Variants in TAF4 observed in about 807,000 individuals in gnomAD.
TAF4 encodes TATA-box binding protein associated factor 4.
Under a neutral mutation model 90.3 loss-of-function variants are expected in TAF4, and 9 were observed. The ratio of observed to expected loss-of-function variants is 0.10; its 90% CI spans 0.06 to 0.17. The LOEUF is 0.17. Among genes scored for constraint, TAF4 ranks in the 10% least tolerant of loss-of-function variants. The pLI, the probability that TAF4 is intolerant of heterozygous loss-of-function variation, is 1.00. For missense variants in TAF4, 1,351 were observed against 1,370.7 expected (o/e 0.99, Z 0.23); for synonymous variants, 818 against 638.9 (o/e 1.28, Z -4.23).
In TAF4 at chr20:62,055,639, C is replaced by T. The variant is rs138715860; in HGVS notation, c.1360+8812G>A. Among the ~76,000 whole-genome samples, 1,089 of 152,304 alleles carry T rather than the reference C, an allele frequency of 7.2e-3. 15 individuals carry two copies. Among genetic ancestry groups the T allele is most frequent in the African/African-American group, 0.025 (1,030 of 41,550 alleles). On this transcript the variant is annotated intron_variant, in intron 1 of 14. Coordinates refer to ENST00000252996, the MANE Select transcript of TAF4 (RefSeq NM_003185.4). ...TCAGAGGGCAGCCCTACAATCTACA[C>T]GGGGGACCCCTGCATCTACTCTTTC...
intron 1 of TAF4, among the ~76,000 whole-genome samples, chr20:62,031,870 G>C (rs2055906345): frequency 6.6e-6 from 1 of 152,096 alleles, no homozygotes; most frequent in South Asian, 2.1e-4. Flanking sequence ...AGGCCCCGTG[G>C]AACAGCCCGG....
intron 1 of TAF4, among the ~76,000 whole-genome samples, chr20:62,054,795 A>G (rs999893704): frequency 5.9e-5 from 9 of 151,946 alleles, no homozygotes; most frequent in African/African-American, 2.2e-4. Flanking sequence ...ACAGGCTCAT[A>G]ACACCGTCAT....
chr20:62,052,532 T>C (rs1263024952), intron 1 of TAF4, among the ~76,000 whole-genome samples: 2 of 151,168 alleles, frequency 1.3e-5, no homozygotes, highest in African/African-American at 4.9e-5. Flanking sequence ...CCAGCCCGTG[T>C]GTGCCCTGTG....
intron 1 of TAF4, among the ~76,000 whole-genome samples, chr20:62,046,677 G>A (rs1195894524): frequency 2.6e-5 from 4 of 152,238 alleles, no homozygotes; most frequent in African/African-American, 7.2e-5. Flanking sequence ...AACTTTTTAC[G>A]CTTCTCCTAA....
Position 62,053,392 on chromosome 20 carries a change from C to T in TAF4, c.1360+11059G>A, listed in dbSNP as rs186370634. Among the ~76,000 whole-genome samples the T allele has an allele frequency of 3.2e-3, 487 of 152,348 alleles. 1 individual carries two copies. Among genetic ancestry groups the T allele is most frequent in the Non-Finnish European group, 5.0e-3 (337 of 68,036 alleles). On this transcript the variant is annotated intron_variant, in intron 1 of 14. Coordinates refer to ENST00000252996, the MANE Select transcript of TAF4 (RefSeq NM_003185.4). ...ACGAGCTCCCGGCCCAGCTCTCTGCCGCTCTGGATCCGTCACTAAGCAGCT... is the reference window on the plus strand; with the variant it reads ...ACGAGCTCCCGGCCCAGCTCTCTGCTGCTCTGGATCCGTCACTAAGCAGCT...
chr20:62,005,741 G>C (rs1423658171), intron 7 of TAF4: 1 of 152,230 alleles, frequency 6.6e-6, no homozygotes, highest in African/African-American at 2.4e-5. Flanking sequence ...CAGAGCACAA[G>C]AGCCAGCCCC....
At chr20:62,014,447 TC>T in intron 2 of TAF4, 99 bp downstream of exon 2, 1 of 1,413,092 alleles carries the variant, frequency 7.1e-7, no homozygotes, top group Non-Finnish European at 9.3e-7. Flanking sequence ...CAGTCCTCAC[TC>T]CCATGGCTGT....
intron 2 of TAF4, 114 bp from the exon 3 acceptor site, chr20:62,013,048 G>T: frequency 7.0e-7 from 1 of 1,424,558 alleles, no homozygotes; most frequent in Non-Finnish European, 9.3e-7. Flanking sequence ...TGGGTCCCAG[G>T]CTTATCCGTG....
chr20:62,040,995 T>C (rs181483117), intron 1 of TAF4, among the ~76,000 whole-genome samples: 2 of 152,302 alleles, frequency 1.3e-5, no homozygotes, highest in Non-Finnish European at 2.9e-5. Context: ...CCATTCCCCA[T>C]AAAAATAACA....
At position 62,007,413 on chromosome 20, in the gene TAF4, C is replaced by A. The variant is rs1961603292; in HGVS notation, c.1974+134G>T. Reference sequence around the variant, plus strand: ...CTGTCCCCAGGCACTGAGTCCCCGGCCCCACCCCCGTAGGCAGCACAAGCG... The same window carrying A: ...CTGTCCCCAGGCACTGAGTCCCCGGACCCACCCCCGTAGGCAGCACAAGCG... On this transcript the variant is annotated intron_variant, in intron 6 of 14. Coordinates refer to ENST00000252996, the MANE Select transcript of TAF4 (RefSeq NM_003185.4). The A allele has an allele frequency of 1.2e-5, 9 of 767,900 alleles. No homozygotes were observed. The South Asian group carries it at 1.4e-4, about 12-fold the overall frequency. 47.6% of individuals were successfully genotyped at this position (767,900 alleles called of 1,614,324 possible). A position where few individuals can be genotyped will look rare whatever the true frequency, so the allele number is the denominator to read the frequency against.
intron 1 of TAF4, among the ~76,000 whole-genome samples, chr20:62,023,620 C>T (rs1417690028): frequency 6.6e-6 from 1 of 151,328 alleles, no homozygotes; most frequent in Non-Finnish European, 1.5e-5. Flanking sequence ...TGGTGGCGCA[C>T]ACCTGTAATC....
At chr20:62,024,758 T>C (rs1222463659) in intron 1 of TAF4, among the ~76,000 whole-genome samples, 1 of 151,928 alleles carries the variant, frequency 6.6e-6, no homozygotes, top group Non-Finnish European at 1.5e-5. Context: ...TAGTCCTAGC[T>C]ACTTGGGAGG....
At chr20:62,026,578 C>A (rs1318297561) in intron 1 of TAF4, among the ~76,000 whole-genome samples, 1 of 152,200 alleles carries the variant, frequency 6.6e-6, no homozygotes, top group Admixed American at 6.5e-5. Flanking sequence ...TGGCTCCAGC[C>A]CCCATCTCCA....
At chr20:62,049,861 C>A (rs898934075) in intron 1 of TAF4, among the ~76,000 whole-genome samples, 2 of 152,122 alleles carry the variant, frequency 1.3e-5, no homozygotes, top group African/African-American at 2.4e-5. Context: ...ACGACACCAT[C>A]GTCACAAAGA....
intron 1 of TAF4, among the ~76,000 whole-genome samples, chr20:62,057,086 G>T (rs973880792): frequency 2.6e-5 from 4 of 152,238 alleles, no homozygotes; most frequent in African/African-American, 7.2e-5. Context: ...AACTTTCACA[G>T]GTCATTGTCC....
At chr20:62,020,005 C>A (rs577467286) in intron 1 of TAF4, among the ~76,000 whole-genome samples, 83 of 152,308 alleles carry the variant, frequency 5.4e-4, no homozygotes, top group African/African-American at 1.9e-3. Flanking sequence ...AGGCCCAGCC[C>A]CGGCTACCTC....
chr20:62,036,470 G>C (rs1489964802), intron 1 of TAF4, among the ~76,000 whole-genome samples: 1 of 152,222 alleles, frequency 6.6e-6, no homozygotes, highest in Non-Finnish European at 1.5e-5. Context: ...GTGAACTGTT[G>C]CAACTAACAT....
At chr20:62,030,939 C>G (rs974294840) in intron 1 of TAF4, among the ~76,000 whole-genome samples, 1 of 152,182 alleles carries the variant, frequency 6.6e-6, no homozygotes, top group African/African-American at 2.4e-5. Flanking sequence ...ATTCACTTGC[C>G]CAACTGCACC....
chr20:62,022,003 A>T (rs6121870), intron 1 of TAF4, among the ~76,000 whole-genome samples: 9 of 152,148 alleles, frequency 5.9e-5, no homozygotes, highest in Non-Finnish European at 1.0e-4. Flanking sequence ...GGCGGACAGC[A>T]TCAGAGGCGG....
Sources: gnomAD v4.1 joint callset for allele counts (sites outside exome capture counted in the v4.1 genomes callset) on GRCh38, gnomAD v4.1.1 for gene constraint, MANE v1.5 for transcripts, NCBI Gene and HGNC (gene_info 2026-07-23, HGNC 2026-07-21) for gene names.